NKAIN2: variants seen among roughly 807,000 people sequenced by gnomAD.
The protein encoded by NKAIN2 is sodium/potassium transporting ATPase interacting 2.
Under a neutral mutation model 32.6 loss-of-function variants are expected in NKAIN2, and 14 were observed. The observed-to-expected ratio is 0.43, with a 90% CI of 0.28 to 0.67. NKAIN2 has a LOEUF of 0.67. Among genes scored for constraint, NKAIN2 ranks in the 30% least tolerant of loss-of-function variants. The pLI is 0.17. For synonymous variants in NKAIN2, 80 were observed against 87.2 expected (o/e 0.92, Z 0.46); for missense variants, 198 against 258.3 (o/e 0.77, Z 1.60).
intron 3 of NKAIN2, among the ~76,000 whole-genome samples, chr6:124,568,221 C>A (rs376520030): frequency 1.8e-4 from 27 of 152,224 alleles, no homozygotes; most frequent in African/African-American, 6.3e-4. Flanking sequence ...AAAGTATGAA[C>A]ATAGTGAATA....
chr6:124,581,036 A>AG (rs1314824919), intron 3 of NKAIN2, among the ~76,000 whole-genome samples: 1 of 152,250 alleles, frequency 6.6e-6, no homozygotes, highest in Non-Finnish European at 1.5e-5. Context: ...ACATATGCAA[A>AG]GCAAATATTA....
intron 1 of NKAIN2, among the ~76,000 whole-genome samples, chr6:124,029,167 T>C (rs1781293262): frequency 6.6e-6 from 1 of 151,814 alleles, no homozygotes; most frequent in Non-Finnish European, 1.5e-5. Context: ...ATTAATTGCT[T>C]ATTATTTCTA....
intron 2 of NKAIN2, among the ~76,000 whole-genome samples, chr6:124,353,603 A>G (rs539728883): frequency 6.6e-6 from 1 of 152,224 alleles, no homozygotes; most frequent in East Asian, 1.9e-4. Flanking sequence ...AAATACAAAA[A>G]AATTAGCCGG....
At chr6:124,347,305 TA>T (rs1798477106) in intron 2 of NKAIN2, among the ~76,000 whole-genome samples, 1 of 152,060 alleles carries the variant, frequency 6.6e-6, no homozygotes. Flanking sequence ...ATCTGACAAT[TA>T]TGTGTCTTGG....
At chr6:123,898,380 A>G (rs993997097) in intron 1 of NKAIN2, among the ~76,000 whole-genome samples, 1 of 152,182 alleles carries the variant, frequency 6.6e-6, no homozygotes, top group Non-Finnish European at 1.5e-5. Flanking sequence ...CTGCAGTTTG[A>G]CAATTGTGCT....
In NKAIN2 at chr6:123,810,880, A is replaced by G. The variant is rs375386389; in HGVS notation, c.54+6626A>G. Among the ~76,000 whole-genome samples, 199 of 152,344 alleles carry G rather than the reference A, an allele frequency of 1.3e-3. 1 individual carries two copies. The highest frequency in any genetic ancestry group is 4.5e-3 in the African/African-American group (187 of 41,590). The stretch of plus-strand genomic sequence containing the variant: ...AAATATGTGTTGAATATGCTTGAAC[A>G]CATTTTGAACCTGAGTGTGCATCAG... On this transcript the variant is annotated intron_variant, in intron 1 of 6. Transcript: ENST00000368417.
In NKAIN2 at chr6:124,530,252, A is replaced by G. The variant is rs113707832; in HGVS notation, c.274-127934A>G. The stretch of plus-strand genomic sequence containing the variant: ...TGCATATTTTCTATATGTGTTATAT[A>G]CTGTTTGCTTACAATAAAGTAATCC... On this transcript the variant is annotated intron_variant, in intron 3 of 6. Coordinates refer to ENST00000368417, the MANE Select transcript of NKAIN2 (RefSeq NM_001040214.3). Among the ~76,000 whole-genome samples, 158 of 152,354 alleles carry G rather than the reference A, an allele frequency of 1.0e-3. 1 individual carries two copies. In the South Asian group the frequency reaches 0.015, roughly 14 times the overall value.
At chr6:124,184,696 T>C (rs1467752128) in intron 1 of NKAIN2, among the ~76,000 whole-genome samples, 3 of 152,200 alleles carry the variant, frequency 2.0e-5, no homozygotes, top group Non-Finnish European at 4.4e-5. Context: ...GTGTTTTAAC[T>C]TTCAAGACTA....
chr6:124,021,763 G>T (rs1036019628), intron 1 of NKAIN2, among the ~76,000 whole-genome samples: 3 of 151,610 alleles, frequency 2.0e-5, no homozygotes, highest in Non-Finnish European at 4.4e-5. Context: ...TGGGCCTTTG[G>T]GGCAATTTAT....
chr6:124,769,181 C>G (rs937680546), intron 4 of NKAIN2, among the ~76,000 whole-genome samples: 2 of 152,104 alleles, frequency 1.3e-5, no homozygotes, highest in Non-Finnish European at 2.9e-5. Context: ...CATAAAGAAA[C>G]AGTTTTTCTT....
At chr6:124,813,534 T>C (rs1364590488) in intron 5 of NKAIN2, among the ~76,000 whole-genome samples, 1 of 152,174 alleles carries the variant, frequency 6.6e-6, no homozygotes. Flanking sequence ...TCCAAAAATG[T>C]ACTAGAATGG....
intron 4 of NKAIN2, among the ~76,000 whole-genome samples, chr6:124,761,993 C>G (rs547343483): frequency 6.6e-6 from 1 of 152,256 alleles, no homozygotes; most frequent in Non-Finnish European, 1.5e-5. Flanking sequence ...CTCCCTGGTT[C>G]TCTCACACCT....
At chr6:123,947,395 G>A (rs1582824913) in intron 1 of NKAIN2, among the ~76,000 whole-genome samples, 1 of 152,138 alleles carries the variant, frequency 6.6e-6, no homozygotes, top group East Asian at 1.9e-4. Context: ...TTATATTTGT[G>A]TAAAATTAAC....
intron 3 of NKAIN2, among the ~76,000 whole-genome samples, chr6:124,553,143 G>A (rs778491058): frequency 2.6e-5 from 4 of 152,076 alleles, no homozygotes; most frequent in Non-Finnish European, 5.9e-5. Context: ...AGTTGCTTGG[G>A]TAAAATATTT....
chr6:124,329,657 A>C (rs1393149256), intron 2 of NKAIN2, among the ~76,000 whole-genome samples: 2 of 152,140 alleles, frequency 1.3e-5, no homozygotes, highest in Non-Finnish European at 2.9e-5. Flanking sequence ...CATATAAGAC[A>C]ATTACTGCAT....
chr6:124,293,928 A>G (rs996330), intron 2 of NKAIN2, among the ~76,000 whole-genome samples: 45,147 of 152,062 alleles, frequency 0.3, 9,231 homozygotes, highest in African/African-American at 0.58. Context: ...TTTTATGGCA[A>G]TGAGTGTAGC....
chr6:124,411,118 G>C (rs527756017), intron 3 of NKAIN2, among the ~76,000 whole-genome samples: 146 of 152,146 alleles, frequency 9.6e-4, no homozygotes, highest in Non-Finnish European at 1.8e-3. Flanking sequence ...ACACTGATGG[G>C]TCTTGACTCT....
At chr6:124,666,246 G>A (rs530939879) in intron 4 of NKAIN2, among the ~76,000 whole-genome samples, 1 of 152,246 alleles carries the variant, frequency 6.6e-6, no homozygotes, top group East Asian at 1.9e-4. Context: ...ATGGGAAGAA[G>A]AAGCAAATAC....
At chr6:124,103,231 T>A (rs929448219) in intron 1 of NKAIN2, among the ~76,000 whole-genome samples, 1 of 152,146 alleles carries the variant, frequency 6.6e-6, no homozygotes, top group African/African-American at 2.4e-5. Context: ...CCATTTTGAG[T>A]AATGTTGTTA....
Sources: allele counts gnomAD v4.1 joint callset (sites outside exome capture counted in the v4.1 genomes callset), GRCh38; gene constraint gnomAD v4.1.1; transcripts MANE v1.5; gene names NCBI Gene and HGNC (gene_info 2026-07-23, HGNC 2026-07-21).